The following NPEPPS variants were observed in gnomAD, a reference collection of about 807,000 sequenced individuals.
NPEPPS encodes the protein aminopeptidase puromycin sensitive, also known as puromycin-sensitive aminopeptidase.
Under a neutral mutation model 115.5 loss-of-function variants are expected in NPEPPS, and 14 were observed. That is an observed-to-expected ratio of 0.12 (90% confidence interval 0.08 to 0.19). The LOEUF is 0.19. Ranked by LOEUF, NPEPPS falls within the 10% of genes least tolerant of loss-of-function variation. The pLI is 1.00. For synonymous variants in NPEPPS, 285 were observed against 390.6 expected, an observed-to-expected ratio of 0.73 and a Z score of 3.19; for missense variants, 523 against 1,110.8, an observed-to-expected ratio of 0.47 and a Z score of 7.52.
At chr17:47,547,593 A>G (rs537760924) in intron 2 of NPEPPS, among the ~76,000 whole-genome samples, 5 of 152,224 alleles carry the variant, frequency 3.3e-5, no homozygotes, top group African/African-American at 1.2e-4. Flanking sequence ...TCCTGGGCTC[A>G]AGGGATCTGA....
rs1165860800 is a variant in NPEPPS, at chr17:47,596,350, T to C, written c.1427-3T>C. 2 of 1,522,104 alleles carry C rather than the reference T, an allele frequency of 1.3e-6. No homozygotes were observed. The highest frequency in any genetic ancestry group is 9.0e-7 in the Non-Finnish European group (1 of 1,117,288). The allele number at this position is 1,522,104 out of a possible 1,614,324, so 94.3% of individuals were successfully genotyped here. A position where few individuals can be genotyped will look rare whatever the true frequency, so the allele number is the denominator to read the frequency against. The stretch of plus-strand genomic sequence containing the variant: ...TTTTAGATTATCATTGTTTATCTTC[T>C]AGAGGATCTCTGGGAAAGTTTAGAA... On this transcript the variant is annotated splice_region_variant and splice_polypyrimidine_tract_variant and intron_variant, in intron 12 of 22. Coordinates refer to ENST00000322157, the MANE Select transcript of NPEPPS (RefSeq NM_006310.4).
chr17:47,561,646 C>T (rs1278816306), intron 2 of NPEPPS, among the ~76,000 whole-genome samples: 2 of 152,142 alleles, frequency 1.3e-5, no homozygotes, highest in African/African-American at 4.8e-5. Flanking sequence ...CCTTTTCTTG[C>T]CTTGCTTTTA....
At chr17:47,573,807 G>A (rs1304806430) in intron 3 of NPEPPS, among the ~76,000 whole-genome samples, 1 of 152,170 alleles carries the variant, frequency 6.6e-6, no homozygotes, top group Non-Finnish European at 1.5e-5. Flanking sequence ...GCAGGGTGTG[G>A]GGAGTAGGGC....
intron 17 of NPEPPS, among the ~76,000 whole-genome samples, chr17:47,610,178 C>G (rs1597889092): frequency 6.6e-6 from 1 of 151,088 alleles, no homozygotes. Flanking sequence ...ACCCCACCCC[C>G]CCAAAAAAAA....
intron 2 of NPEPPS, among the ~76,000 whole-genome samples, chr17:47,568,737 C>T (rs1910995933): frequency 6.6e-6 from 1 of 151,940 alleles, no homozygotes; most frequent in African/African-American, 2.4e-5. Flanking sequence ...CTCACTGCAA[C>T]CTCCGCCTCC....
At chr17:47,538,454 T>TC (rs1464208596) in intron 1 of NPEPPS, among the ~76,000 whole-genome samples, 2 of 150,756 alleles carry the variant, frequency 1.3e-5, no homozygotes, top group Non-Finnish European at 3.0e-5. Context: ...CCTCAGGTGA[T>TC]CCGCCTGCCT....
chr17:47,560,261 T>C (rs1196256841), intron 2 of NPEPPS, among the ~76,000 whole-genome samples: 2 of 152,100 alleles, frequency 1.3e-5, no homozygotes, highest in Non-Finnish European at 2.9e-5. Flanking sequence ...TAAGTAACCC[T>C]GTAAGACCAC....
At chr17:47,567,566 T>C (rs1679401220) in intron 2 of NPEPPS, among the ~76,000 whole-genome samples, 1 of 152,088 alleles carries the variant, frequency 6.6e-6, no homozygotes, top group Non-Finnish European at 1.5e-5. Context: ...TCACATACCA[T>C]ACATGTCATC....
At chr17:47,559,942 T>C (rs1400651658) in intron 2 of NPEPPS, among the ~76,000 whole-genome samples, 1 of 152,186 alleles carries the variant, frequency 6.6e-6, no homozygotes, top group African/African-American at 2.4e-5. Context: ...GGATTCCCAC[T>C]TTTGTCCCTG....
chr17:47,586,764 A>G (rs1303744209), intron 8 of NPEPPS: 3 of 463,390 alleles, frequency 6.5e-6, no homozygotes, highest in South Asian at 1.6e-5. Flanking sequence ...TGTGAGTTGA[A>G]TAACTTTTAA....
chr17:47,544,422 C>T (rs113683589), intron 1 of NPEPPS, among the ~76,000 whole-genome samples: 4 of 151,606 alleles, frequency 2.6e-5, no homozygotes, highest in Non-Finnish European at 4.4e-5. Context: ...ATGGTGAGTT[C>T]GATGTGCAGG....
At chr17:47,524,450 A>G (rs1192369855) in intron 1 of NPEPPS, among the ~76,000 whole-genome samples, 3 of 152,036 alleles carry the variant, frequency 2.0e-5, no homozygotes, top group Non-Finnish European at 2.9e-5. Flanking sequence ...TAGCCTCCCA[A>G]GTAGCTAGGA....
intron 3 of NPEPPS, among the ~76,000 whole-genome samples, chr17:47,569,986 T>G (rs1911097693): frequency 1.3e-5 from 2 of 152,196 alleles, no homozygotes; most frequent in African/African-American, 4.8e-5. Flanking sequence ...CTGCGGAAGT[T>G]GGGCTACGAA....
intron 17 of NPEPPS, among the ~76,000 whole-genome samples, chr17:47,606,699 G>A (rs961903838): frequency 3.3e-5 from 5 of 152,098 alleles, no homozygotes; most frequent in African/African-American, 7.2e-5. Flanking sequence ...CGTCTCGGCC[G>A]CCCAAAGTGC....
chr17:47,543,155 A>G (rs1379794793), intron 1 of NPEPPS, among the ~76,000 whole-genome samples: 1 of 151,626 alleles, frequency 6.6e-6, no homozygotes, highest in African/African-American at 2.4e-5. Context: ...CAAAAAAAAA[A>G]AAAAAAAAGA....
chr17:47,610,845 CTTTTTT>C (rs59893483), intron 17 of NPEPPS, among the ~76,000 whole-genome samples: 91 of 100,098 alleles, frequency 9.1e-4, no homozygotes, highest in African/African-American at 3.7e-3. Flanking sequence ...TATGATGACT[CTTTTTT>C]TTTTTTTTTT....
At chr17:47,554,049 T>C (rs1266843098) in intron 2 of NPEPPS, among the ~76,000 whole-genome samples, 1 of 151,164 alleles carries the variant, frequency 6.6e-6, no homozygotes, top group Non-Finnish European at 1.5e-5. Flanking sequence ...AGTATCTTTT[T>C]TTTTTTTTGA....
intron 1 of NPEPPS, among the ~76,000 whole-genome samples, chr17:47,539,051 G>A (rs1306177128): frequency 1.3e-5 from 2 of 149,196 alleles, no homozygotes; most frequent in Admixed American, 6.7e-5. Flanking sequence ...AAGGGTATGC[G>A]TTTTATTGTA....
intron 2 of NPEPPS, among the ~76,000 whole-genome samples, chr17:47,560,637 C>T (rs550143801): frequency 6.6e-6 from 1 of 152,196 alleles, no homozygotes; most frequent in East Asian, 1.9e-4. Flanking sequence ...TGGATATCCT[C>T]CAGAATGATG....
Sources: allele counts gnomAD v4.1 joint callset (sites outside exome capture counted in the v4.1 genomes callset), GRCh38; gene constraint gnomAD v4.1.1; transcripts MANE v1.5; gene names NCBI Gene and HGNC (gene_info 2026-07-23, HGNC 2026-07-21).